The following SEC22A variants were observed in gnomAD, a reference collection of about 807,000 sequenced individuals.
SEC22A encodes SEC22 homolog A, vesicle trafficking protein.
SEC22A carries 22 observed loss-of-function variants against 35.3 expected under a neutral mutation model. The ratio of observed to expected loss-of-function variants is 0.62; its 90% CI spans 0.45 to 0.89. The LOEUF (loss-of-function observed/expected upper bound fraction) is 0.89. Ranked by LOEUF, SEC22A falls within the 40% of genes least tolerant of loss-of-function variation. The pLI is 0.00. For synonymous variants in SEC22A, 119 were observed against 129.5 expected (o/e 0.92, Z 0.55); for missense variants, 354 against 362.5 (o/e 0.98, Z 0.19).
At chr3:123,211,501 C>T (rs1936938999) in intron 2 of SEC22A, among the ~76,000 whole-genome samples, 1 of 152,090 alleles carries the variant, frequency 6.6e-6, no homozygotes, top group African/African-American at 2.4e-5. Context: ...GCTCTGTTAC[C>T]TAGGCTGGAA....
chr3:123,244,728 CTTATA>C (rs1937552929), intron 4 of SEC22A, among the ~76,000 whole-genome samples: 1 of 152,144 alleles, frequency 6.6e-6, no homozygotes, highest in African/African-American at 2.4e-5. Flanking sequence ...TAAACCCGCC[CTTATA>C]TTAATGTTCC....
At chr3:123,203,093 C>T (rs6438782) in intron 1 of SEC22A, among the ~76,000 whole-genome samples, 17 of 90,488 alleles carry the variant, frequency 1.9e-4, no homozygotes, top group Non-Finnish European at 2.8e-4. Flanking sequence ...TTTTTGCGTG[C>T]AACTGGTTAA....
chr3:123,228,211 A>G (rs1937248297), intron 4 of SEC22A, among the ~76,000 whole-genome samples: 1 of 151,990 alleles, frequency 6.6e-6, no homozygotes, highest in Admixed American at 6.6e-5. Flanking sequence ...TAGTACCCAC[A>G]TTGTTACAAT....
At chr3:123,202,996 A>AAGTAATGGG (rs1936778713) in intron 1 of SEC22A, among the ~76,000 whole-genome samples, 1 of 150,522 alleles carries the variant, frequency 6.6e-6, no homozygotes, top group East Asian at 1.9e-4. Context: ...CCATATCCTA[A>AAGTAATGGG]AGTAATGGGA....
At chr3:123,258,056 C>T (rs973471341) in intron 5 of SEC22A, among the ~76,000 whole-genome samples, 1 of 150,156 alleles carries the variant, frequency 6.7e-6, no homozygotes, top group Non-Finnish European at 1.5e-5. Context: ...GAGAGTTAGT[C>T]TAAATTTAGA....
intron 4 of SEC22A, among the ~76,000 whole-genome samples, chr3:123,233,569 A>G (rs116757077): frequency 3.2e-4 from 49 of 152,316 alleles, no homozygotes; most frequent in Non-Finnish European, 5.3e-4. Flanking sequence ...AGAATAAGAA[A>G]TGAAAAACAC....
chr3:123,208,928 GGGATTACAGGTGT>G (rs1308528507), intron 1 of SEC22A: 9 of 304,504 alleles, frequency 3.0e-5, no homozygotes, highest in Non-Finnish European at 5.7e-5. Context: ...CTGAGTAGCT[GGGATTACAGGTGT>G]GCACCACCAC....
chr3:123,254,145 A>G (rs1937668829), intron 5 of SEC22A, among the ~76,000 whole-genome samples: 1 of 152,042 alleles, frequency 6.6e-6, no homozygotes, highest in South Asian at 2.1e-4. Context: ...CTCCTAATAC[A>G]TTGTGTGGCT....
At chr3:123,243,323 C>T (rs1234868834) in intron 4 of SEC22A, among the ~76,000 whole-genome samples, 1 of 152,134 alleles carries the variant, frequency 6.6e-6, no homozygotes, top group African/African-American at 2.4e-5. Context: ...TGGAAGGATA[C>T]AGTGAGACCA....
intron 2 of SEC22A, among the ~76,000 whole-genome samples, chr3:123,217,809 T>A (rs1937059123): frequency 6.6e-6 from 1 of 152,218 alleles, no homozygotes; most frequent in Non-Finnish European, 1.5e-5. Flanking sequence ...ATCACTGTGA[T>A]AAGCACATCC....
intron 4 of SEC22A, among the ~76,000 whole-genome samples, chr3:123,238,699 C>T (rs1937471464): frequency 6.6e-6 from 1 of 152,048 alleles, no homozygotes; most frequent in South Asian, 2.1e-4. Context: ...CAGTATCTTA[C>T]TCTCAGTATC....
intron 5 of SEC22A, among the ~76,000 whole-genome samples, chr3:123,258,195 G>A (rs886188196): frequency 2.0e-5 from 3 of 152,072 alleles, no homozygotes; most frequent in African/African-American, 7.2e-5. Context: ...GTGTAGTACT[G>A]TGAAGTACTA....
At chr3:123,214,656 T>G (rs1305496635) in intron 2 of SEC22A, among the ~76,000 whole-genome samples, 3 of 152,232 alleles carry the variant, frequency 2.0e-5, no homozygotes, top group Non-Finnish European at 4.4e-5. Flanking sequence ...CTAAAGTAAG[T>G]ATGAACCATA....
At chr3:123,250,452 AG>A (rs1270662508) in intron 5 of SEC22A, among the ~76,000 whole-genome samples, 1 of 152,160 alleles carries the variant, frequency 6.6e-6, no homozygotes, top group African/African-American at 2.4e-5. Context: ...AAAACTGGAA[AG>A]GGAGGAATGT....
At chr3:123,216,649 C>A (rs569727163) in intron 2 of SEC22A, among the ~76,000 whole-genome samples, 77 of 152,136 alleles carry the variant, frequency 5.1e-4, no homozygotes, top group African/African-American at 1.8e-3. Flanking sequence ...ATAGAAAGTT[C>A]CTGGTAAAAT....
In SEC22A at chr3:123,259,737, A is replaced by C. The variant is rs375015122; in HGVS notation, c.723+148A>C. The C allele has an allele frequency of 6.1e-6, 4 of 652,934 alleles. No homozygotes were observed. In the East Asian group the frequency reaches 1.1e-4, roughly 18 times the overall value. The allele number at this position is 652,934 out of a possible 1,614,324, so 40.4% of individuals were successfully genotyped here. ...TGAGCCTCTTTTAACTTTGTGACCT[A>C]TGTCTCCATTTTGAGTAGACATACA... On this transcript the variant is annotated intron_variant, in intron 6 of 6. Coordinates refer to ENST00000492595, the MANE Select transcript of SEC22A (RefSeq NM_012430.5).
rs2108117056 is a variant in SEC22A, at chr3:123,271,891, CCT to C, written c.*173_*174del. ...GATGTGCCTGTGAGCATGGAAGAGT[CCT>C]CTCAGAAGAATGTTGGCCATGAGAC... On this transcript the variant is annotated 3_prime_UTR_variant, in exon 7 of 7. Coordinates refer to ENST00000492595, the MANE Select transcript of SEC22A (RefSeq NM_012430.5). 1 of 577,578 alleles carries C rather than the reference CCT, an allele frequency of 1.7e-6. No homozygotes were observed. The highest frequency in any genetic ancestry group is 3.0e-6 in the Non-Finnish European group (1 of 333,226). 35.8% of individuals were successfully genotyped at this position (577,578 alleles called of 1,614,324 possible).
intron 4 of SEC22A, among the ~76,000 whole-genome samples, chr3:123,238,915 T>C (rs1030470316): frequency 2.0e-5 from 3 of 152,222 alleles, no homozygotes; most frequent in African/African-American, 4.8e-5. Flanking sequence ...GTAAACAGAA[T>C]AGTATAAATA....
At chr3:123,226,281 T>A (rs1330917743) in intron 4 of SEC22A, among the ~76,000 whole-genome samples, 1 of 152,244 alleles carries the variant, frequency 6.6e-6, no homozygotes, top group Admixed American at 6.5e-5. Flanking sequence ...AAACTACTAC[T>A]GTTCTCCATA....
Sources: allele counts gnomAD v4.1 joint callset (sites outside exome capture counted in the v4.1 genomes callset), GRCh38; gene constraint gnomAD v4.1.1; transcripts MANE v1.5; gene names NCBI Gene and HGNC (gene_info 2026-07-23, HGNC 2026-07-21).